ELOVL2: variants seen among roughly 807,000 people sequenced by gnomAD.
ELOVL2 encodes the protein ELOVL fatty acid elongase 2.
Under a neutral mutation model 37.7 loss-of-function variants are expected in ELOVL2, and 38 were observed. That is an observed-to-expected ratio of 1.01 (90% CI 0.78 to 1.32). The LOEUF (loss-of-function observed/expected upper bound fraction) is 1.32. Among genes scored for constraint, ELOVL2 ranks in the 40% most tolerant of loss-of-function variants. The probability of loss-of-function intolerance (pLI) is 0.00; values close to 1 mark genes in which losing one functional copy is unlikely to be tolerated. For synonymous variants in ELOVL2, 115 were observed against 122.3 expected, an observed-to-expected ratio of 0.94 and a Z score of 0.40; for missense variants, 352 against 363.6, an observed-to-expected ratio of 0.97 and a Z score of 0.26.
chr6:11,011,365 C>CAAAA (rs199986191), intron 1 of ELOVL2, among the ~76,000 whole-genome samples: 2,949 of 109,082 alleles, frequency 0.027, 106 homozygotes, highest in African/African-American at 0.087. Flanking sequence ...GACTCTGTCT[C>CAAAA]AAAAAAAAAA....
chr6:10,992,053 A>G lies in ELOVL2; in HGVS notation c.506-1611T>C, dbSNP rs75105616. 1.0e-3 allele frequency among the ~76,000 whole-genome samples: 158 copies of G among 152,382 alleles called. 7 individuals are homozygous for G. In the East Asian group the frequency reaches 0.029, roughly 28 times the overall value. On this transcript the variant is annotated intron_variant, in intron 5 of 7. Transcript: ENST00000354666. Reference sequence around the variant, plus strand: ...TGATTTGTAATGAAACTTGACAATCATAAAAATACTTAACCTTGGTAATTC... The same window carrying G: ...TGATTTGTAATGAAACTTGACAATCGTAAAAATACTTAACCTTGGTAATTC...
intron 1 of ELOVL2, among the ~76,000 whole-genome samples, chr6:11,011,639 T>C (rs1006314739): frequency 6.6e-6 from 1 of 152,246 alleles, no homozygotes. Context: ...TTTTTTCTAT[T>C]TATGTTTTGT....
chr6:11,040,489 T>C (rs962436893), intron 1 of ELOVL2, among the ~76,000 whole-genome samples: 10 of 152,188 alleles, frequency 6.6e-5, no homozygotes, highest in Non-Finnish European at 1.0e-4. Context: ...ATTGATTACA[T>C]GTTGAAATAT....
chr6:10,993,835 T>G (rs1437758981), intron 5 of ELOVL2, among the ~76,000 whole-genome samples: 1 of 147,478 alleles, frequency 6.8e-6, no homozygotes. Flanking sequence ...GTATTACAAG[T>G]GCACGTCACC....
intron 1 of ELOVL2, among the ~76,000 whole-genome samples, chr6:11,013,868 C>CAAA (rs57378623): frequency 8.0e-5 from 11 of 136,814 alleles, no homozygotes; most frequent in South Asian, 2.3e-4. Flanking sequence ...CTCCACAAAG[C>CAAA]AAAAAAAAAA....
chr6:11,024,929 A>G (rs1782817448), intron 1 of ELOVL2, among the ~76,000 whole-genome samples: 1 of 152,162 alleles, frequency 6.6e-6, no homozygotes, highest in Non-Finnish European at 1.5e-5. Context: ...TTTCTTTCTG[A>G]AACTTTCTTC....
At chr6:10,992,034 G>C (rs1200788346) in intron 5 of ELOVL2, among the ~76,000 whole-genome samples, 1 of 152,200 alleles carries the variant, frequency 6.6e-6, no homozygotes, top group Non-Finnish European at 1.5e-5. Flanking sequence ...TTAGTGATTT[G>C]TAATGAAACT....
chr6:10,992,565 C>T (rs929133860), intron 5 of ELOVL2, among the ~76,000 whole-genome samples: 3 of 151,674 alleles, frequency 2.0e-5, no homozygotes, highest in African/African-American at 4.8e-5. Context: ...CCGAGGCGGG[C>T]GGATCACAAG....
intron 1 of ELOVL2, among the ~76,000 whole-genome samples, chr6:11,033,468 TGAG>T (rs1349953187): frequency 6.6e-6 from 1 of 152,212 alleles, no homozygotes; most frequent in Non-Finnish European, 1.5e-5. Context: ...TAAGCACTGT[TGAG>T]GAGCTCAAGA....
At chr6:11,010,939 G>A (rs1028549216) in intron 1 of ELOVL2, 130 bp from the exon 2 acceptor site, 2 of 661,530 alleles carry the variant, frequency 3.0e-6, no homozygotes, top group African/African-American at 3.7e-5. Flanking sequence ...ACTTTTGACT[G>A]CAAAGACTTA....
intron 1 of ELOVL2, among the ~76,000 whole-genome samples, chr6:11,032,803 CAAAGAT>C (rs1259605043): frequency 6.6e-6 from 1 of 152,052 alleles, no homozygotes; most frequent in Non-Finnish European, 1.5e-5. Context: ...CACAAGTAAA[CAAAGAT>C]AAACAAGTAA....
At chr6:10,997,636 AT>A (rs1195645956) in intron 4 of ELOVL2, among the ~76,000 whole-genome samples, 1 of 152,134 alleles carries the variant, frequency 6.6e-6, no homozygotes, top group East Asian at 1.9e-4. Flanking sequence ...TCGTAGTATC[AT>A]TTGTTTCTCT....
intron 1 of ELOVL2, among the ~76,000 whole-genome samples, chr6:11,037,671 T>C (rs922227635): frequency 6.6e-6 from 1 of 152,188 alleles, no homozygotes; most frequent in Non-Finnish European, 1.5e-5. Flanking sequence ...GGCCACTCAA[T>C]GTTCTTCTAT....
intron 3 of ELOVL2, among the ~76,000 whole-genome samples, chr6:11,003,314 C>T (rs1263723269): frequency 6.6e-6 from 1 of 152,128 alleles, no homozygotes; most frequent in Non-Finnish European, 1.5e-5. Flanking sequence ...TGCTCCCCAC[C>T]CCCCGACAGG....
At chr6:11,033,322 A>G (rs538996958) in intron 1 of ELOVL2, among the ~76,000 whole-genome samples, 2 of 152,362 alleles carry the variant, frequency 1.3e-5, no homozygotes, top group South Asian at 4.1e-4. Flanking sequence ...AACACAATAC[A>G]CGAATCCAAT....
rs1028065805 is a variant in ELOVL2 at position 11,005,232 on chromosome 6, G to A, written c.255+140C>T. 4.5e-6 allele frequency: 3 copies of A among 668,472 alleles called. No homozygotes were observed. The African/African-American group carries it at 5.5e-5, about 12-fold the overall frequency. 41.4% of individuals were successfully genotyped at this position (668,472 alleles called of 1,614,324 possible). ...TAAACAAGGACTTCCAGGATTTTCAGAAAGAATAATATCAAATGCTGGAAT... is the reference window on the plus strand; with the variant it reads ...TAAACAAGGACTTCCAGGATTTTCAAAAAGAATAATATCAAATGCTGGAAT... On this transcript the variant is annotated intron_variant, in intron 3 of 7. Coordinates refer to ENST00000354666, the MANE Select transcript of ELOVL2 (RefSeq NM_017770.4).
intron 1 of ELOVL2, among the ~76,000 whole-genome samples, chr6:11,013,854 G>C (rs1176958538): frequency 7.2e-6 from 1 of 139,596 alleles, no homozygotes. Flanking sequence ...CTTTGGCCAC[G>C]TCCCTCCACA....
intron 1 of ELOVL2, among the ~76,000 whole-genome samples, chr6:11,035,755 A>G (rs1782996362): frequency 6.6e-6 from 1 of 152,240 alleles, no homozygotes; most frequent in African/African-American, 2.4e-5. Flanking sequence ...GAGTGGTCCA[A>G]ACACTGCTGA....
intron 1 of ELOVL2, among the ~76,000 whole-genome samples, chr6:11,041,180 G>A (rs1320608332): frequency 6.6e-6 from 1 of 152,116 alleles, no homozygotes; most frequent in Non-Finnish European, 1.5e-5. Flanking sequence ...TCTACTCCCA[G>A]AAATGCAAAC....
Sources: allele counts gnomAD v4.1 joint callset (sites outside exome capture counted in the v4.1 genomes callset), GRCh38; gene constraint gnomAD v4.1.1; transcripts MANE v1.5; gene names NCBI Gene and HGNC (gene_info 2026-07-23, HGNC 2026-07-21).